HIPK3: variants seen among roughly 807,000 people sequenced by gnomAD.
HIPK3 encodes homeodomain-interacting protein kinase 3.
HIPK3 carries 47 observed loss-of-function variants against 124.2 expected under a neutral mutation model. The observed-to-expected ratio is 0.38, with a 90% CI of 0.30 to 0.48. HIPK3 has a LOEUF of 0.48. Ranked by LOEUF, HIPK3 falls within the 20% of genes least tolerant of loss-of-function variation. The pLI is 0.98. For synonymous variants in HIPK3, 482 were observed against 515.2 expected (o/e 0.94, Z 0.87); for missense variants, 1,286 against 1,454.3 (o/e 0.88, Z 1.88).
intron 2 of HIPK3, among the ~76,000 whole-genome samples, chr11:33,290,734 A>G (rs1417138928): frequency 6.6e-6 from 1 of 152,070 alleles, no homozygotes; most frequent in African/African-American, 2.4e-5. Flanking sequence ...AAAATGCTGA[A>G]TATTTTATGA....
At chr11:33,326,130 C>T (rs910519112) in intron 2 of HIPK3, among the ~76,000 whole-genome samples, 17 of 152,196 alleles carry the variant, frequency 1.1e-4, no homozygotes, top group Non-Finnish European at 7.3e-5. Flanking sequence ...TCATTATCCT[C>T]TGAATTTCCT....
At position 33,354,249 on chromosome 11, in the gene HIPK3, T is replaced by C. The variant is rs923172174; in HGVS notation, c.*681T>C. 4 of 152,688 alleles carry C rather than the reference T, an allele frequency of 2.6e-5. No individual in the cohort carries two copies. The highest frequency in any genetic ancestry group is 9.6e-5 in the African/African-American group (4 of 41,470). The allele number at this position is 152,688 out of a possible 1,614,324, so 9.5% of individuals were successfully genotyped here. ...TGTTCATTTTTGTTTTTGTGTGGTATGATTTCAGGTAGTAGCTGTTTTTTT... is the reference window on the plus strand; with the variant it reads ...TGTTCATTTTTGTTTTTGTGTGGTACGATTTCAGGTAGTAGCTGTTTTTTT... On this transcript the variant is annotated 3_prime_UTR_variant, in exon 17 of 17. Coordinates refer to ENST00000303296, the MANE Select transcript of HIPK3 (RefSeq NM_005734.5).
chr11:33,257,486 C>G lies in HIPK3; in HGVS notation c.-406C>G. ...CTCCCGCCAGTCTTCCTTCTCCGCTCCCGGCCGGGGCGTCAGGAATGGGCC... is the reference window on the plus strand; with the variant it reads ...CTCCCGCCAGTCTTCCTTCTCCGCTGCCGGCCGGGGCGTCAGGAATGGGCC... On this transcript the variant is annotated 5_prime_UTR_variant, in exon 1 of 17. Transcript: ENST00000303296. 1.0e-6 allele frequency: 1 copy of G among 985,852 alleles called. No individual in the cohort carries two copies. The highest frequency in any genetic ancestry group is 1.2e-6 in the Non-Finnish European group (1 of 830,328). 61.1% of individuals were successfully genotyped at this position (985,852 alleles called of 1,614,324 possible). A position where few individuals can be genotyped will look rare whatever the true frequency, so the allele number is the denominator to read the frequency against.
chr11:33,346,095 C>T (rs1171327187), intron 8 of HIPK3, among the ~76,000 whole-genome samples: 1 of 152,136 alleles, frequency 6.6e-6, no homozygotes, highest in Non-Finnish European at 1.5e-5. Context: ...AATGTACTTT[C>T]TGATCTTCGG....
intron 1 of HIPK3, among the ~76,000 whole-genome samples, chr11:33,265,741 C>G (rs539034379): frequency 6.5e-4 from 75 of 116,172 alleles, no homozygotes; most frequent in Non-Finnish European, 6.2e-4. Context: ...CCACTGCAAT[C>G]CAGCTTGAGT....
chr11:33,290,096 A>G (rs1209999250), intron 2 of HIPK3, among the ~76,000 whole-genome samples: 1 of 152,150 alleles, frequency 6.6e-6, no homozygotes, highest in African/African-American at 2.4e-5. Flanking sequence ...CCTATTGTGA[A>G]TAGTCGTGCA....
At chr11:33,321,211 C>T (rs1303030145) in intron 2 of HIPK3, among the ~76,000 whole-genome samples, 6 of 152,050 alleles carry the variant, frequency 3.9e-5, no homozygotes, top group African/African-American at 1.2e-4. Flanking sequence ...AGATTGAGGA[C>T]GTAGCGAATG....
chr11:33,327,799 AC>A, intron 2 of HIPK3, among the ~76,000 whole-genome samples: 1 of 152,346 alleles, frequency 6.6e-6, no homozygotes, highest in Admixed American at 6.5e-5. Flanking sequence ...ACACAGCTGT[AC>A]ATGGAGTCTG....
At position 33,328,643 on chromosome 11, in the gene HIPK3, A is replaced by G. The variant is rs751460531; in HGVS notation, c.1221+10A>G. 6.2e-7 allele frequency: 1 copy of G among 1,611,688 alleles called. No homozygotes were observed. The highest frequency in any genetic ancestry group is 1.1e-5 in the South Asian group (1 of 90,870). ...CTTGGAGTATGATCAGGTAACAAATAATGATAATCTAATAGAATTGGTAAA... is the reference window on the plus strand; with the variant it reads ...CTTGGAGTATGATCAGGTAACAAATGATGATAATCTAATAGAATTGGTAAA... On this transcript the variant is annotated intron_variant, in intron 3 of 16. Transcript: ENST00000303296.
chr11:33,336,972 A>T (rs1853168088), intron 3 of HIPK3, 103 bp from the exon 4 acceptor site: 2 of 730,066 alleles, frequency 2.7e-6, no homozygotes, highest in Admixed American at 3.0e-5. Context: ...GAGGGCATAG[A>T]CTATGTATTT....
In HIPK3 at chr11:33,287,449, T is replaced by G; in HGVS notation, c.1035T>G (p.Phe345Leu). 6.2e-7 allele frequency: 1 copy of G among 1,614,176 alleles called. No individual in the cohort carries two copies. The highest frequency in any genetic ancestry group is 8.5e-7 in the Non-Finnish European group (1 of 1,180,012). The change falls in exon 2 of 17, where the codon TTT becomes TTG. Residue 345 changes from phenylalanine to leucine, a missense_variant. Phe to Leu is a conservative substitution (Grantham distance 22). This residue lies in a region of HIPK3 where 251 missense variants were observed against 349.1 expected (regional missense o/e 0.72). Coordinates refer to ENST00000303296, the MANE Select transcript of HIPK3 (RefSeq NM_005734.5). The stretch of plus-strand genomic sequence containing the variant: ...CTTACAGGGTTAAAGTAATAGACTT[T>G]GGGTCGGCCAGTCATGTATCAAAGA... ...RQPYRVKVIDFGSASHVSKTV... is the reference protein window; with the variant it reads ...RQPYRVKVIDLGSASHVSKTV...
At position 33,356,755 on chromosome 11, in the gene HIPK3, T is replaced by C. The variant is rs1430290269; in HGVS notation, c.*3187T>C. 1 of 152,130 alleles carries C rather than the reference T, an allele frequency of 6.6e-6. No individual in the cohort carries two copies. Among genetic ancestry groups the C allele is most frequent in the Non-Finnish European group, 1.5e-5 (1 of 67,968 alleles). The allele number at this position is 152,130 out of a possible 1,614,324, so 9.4% of individuals were successfully genotyped here. A position where few individuals can be genotyped will look rare whatever the true frequency, so the allele number is the denominator to read the frequency against. ...TTCTTTGGTTTATTTGTTTTTGCTTTTACTCCTATGCTACACTAGTTTGCC... is the reference window on the plus strand; with the variant it reads ...TTCTTTGGTTTATTTGTTTTTGCTTCTACTCCTATGCTACACTAGTTTGCC... On this transcript the variant is annotated 3_prime_UTR_variant, in exon 17 of 17. Coordinates refer to ENST00000303296, the MANE Select transcript of HIPK3 (RefSeq NM_005734.5).
At chr11:33,346,209 A>C (rs1853487538) in intron 8 of HIPK3, among the ~76,000 whole-genome samples, 1 of 152,172 alleles carries the variant, frequency 6.6e-6, no homozygotes, top group Non-Finnish European at 1.5e-5. Context: ...GGTGCTTTGC[A>C]GTGAAAACAG....
chr11:33,286,908 T>G lies in HIPK3; in HGVS notation c.494T>G (p.Val165Gly). The G allele has an allele frequency of 6.2e-7, 1 of 1,614,206 alleles. No homozygotes were observed. The highest frequency in any genetic ancestry group is 8.5e-7 in the Non-Finnish European group (1 of 1,180,024). The change falls in exon 2 of 17, where the codon GTG becomes GGG. Residue 165 changes from valine (V) to glycine (G), a missense_variant. Physicochemically the swap from Val to Gly is moderately radical, Grantham distance 109 (BLOSUM62 -3). Around this residue, in one of 3 missense-constraint regions of HIPK3, gnomAD observed 225 missense variants for 240.3 expected, o/e 0.94. Coordinates refer to ENST00000303296, the MANE Select transcript of HIPK3 (RefSeq NM_005734.5). ...AACATGGGAAATCCAGTGACAGTTG[T>G]GACAGCTACCACAGGATCAAAACAG... ...QTNMGNPVTV[V>G]TATTGSKQNC...
intron 2 of HIPK3, among the ~76,000 whole-genome samples, chr11:33,322,560 T>G (rs899847765): frequency 3.9e-5 from 6 of 152,100 alleles, no homozygotes; most frequent in African/African-American, 1.4e-4. Flanking sequence ...AGCCAAGGGC[T>G]CACACCTGTA....
intron 2 of HIPK3, among the ~76,000 whole-genome samples, chr11:33,290,525 G>A (rs994780646): frequency 6.6e-6 from 1 of 150,960 alleles, no homozygotes; most frequent in African/African-American, 2.4e-5. Flanking sequence ...CCTATATTTA[G>A]TTCACTTGCT....
Position 33,347,693 on chromosome 11 carries a change from C to G in HIPK3, c.2084C>G (p.Pro695Arg). ...TGGCAACAGGTGACACCCCTGGCTC[C>G]TGCTACTACTACACTAACTTCTGAG... is the stretch of plus-strand genomic sequence containing the variant. ...PAWQQVTPLA[P>R]ATTTLTSESV... is the part of the protein sequence containing the mutation. The change falls in exon 10 of 17, where the codon CCT becomes CGT. Residue 695 changes from proline to arginine, a missense_variant. Transcript: ENST00000303296. 1.2e-6 allele frequency: 2 copies of G among 1,614,182 alleles called. No homozygotes were observed. Among genetic ancestry groups the G allele is most frequent in the Non-Finnish European group, 1.7e-6 (2 of 1,180,016 alleles).
chr11:33,319,634 A>G (rs1852605930), intron 2 of HIPK3, among the ~76,000 whole-genome samples: 1 of 152,212 alleles, frequency 6.6e-6, no homozygotes, highest in Admixed American at 6.5e-5. Flanking sequence ...ATACTTGTTC[A>G]GCTCTTATTG....
intron 1 of HIPK3, among the ~76,000 whole-genome samples, chr11:33,270,429 C>T (rs962362361): frequency 1.3e-5 from 2 of 151,868 alleles, no homozygotes; most frequent in African/African-American, 4.8e-5. Context: ...TTGCCTCAGC[C>T]TCCCAAGTAG....
Sources: allele counts gnomAD v4.1 joint callset (sites outside exome capture counted in the v4.1 genomes callset), GRCh38; gene constraint gnomAD v4.1.1; regional missense constraint gnomAD v4.1.1; transcripts MANE v1.5; gene names NCBI Gene and HGNC (gene_info 2026-07-23, HGNC 2026-07-21).